DLGAP1: variants seen among roughly 807,000 people sequenced by gnomAD.
The protein encoded by DLGAP1 is disks large-associated protein 1.
In DLGAP1, 11 loss-of-function variants were observed where a neutral mutation model predicts 90.8. The observed-to-expected ratio is 0.12, with a 90% CI of 0.08 to 0.20. DLGAP1 has a LOEUF of 0.20. Among genes scored for constraint, DLGAP1 ranks in the 10% least tolerant of loss-of-function variants. DLGAP1 has a pLI of 1.00. For synonymous variants in DLGAP1, 558 were observed against 540.7 expected (o/e 1.03, Z -0.44); for missense variants, 1,050 against 1,333.8 (o/e 0.79, Z 3.31).
intron 1 of DLGAP1, among the ~76,000 whole-genome samples, chr18:4,155,016 AG>A (rs2076732846): frequency 6.6e-6 from 1 of 152,196 alleles, no homozygotes; most frequent in African/African-American, 2.4e-5. Flanking sequence ...AAACAGACCA[AG>A]GTAAGAGGTA....
intron 7 of DLGAP1, among the ~76,000 whole-genome samples, chr18:3,635,903 C>A (rs549872443): frequency 6.6e-6 from 1 of 151,606 alleles, no homozygotes; most frequent in Admixed American, 6.6e-5. Flanking sequence ...ATTCACTCTT[C>A]GAAATGCCTT....
At chr18:3,969,036 G>A (rs541309776) in intron 3 of DLGAP1, among the ~76,000 whole-genome samples, 1 of 152,104 alleles carries the variant, frequency 6.6e-6, no homozygotes, top group South Asian at 2.1e-4. Flanking sequence ...ACTAATGAAT[G>A]AACAGCACTG....
rs529202935 is a variant in DLGAP1 at position 3,852,047 on chromosome 18, G to A, written c.957+27065C>T. Among the ~76,000 whole-genome samples the A allele has an allele frequency of 8.5e-5, 13 of 152,204 alleles. No individual in the cohort carries two copies. The South Asian group carries it at 2.1e-3, about 24-fold the overall frequency. On this transcript the variant is annotated intron_variant, in intron 4 of 12. Coordinates refer to ENST00000315677, the MANE Select transcript of DLGAP1 (RefSeq NM_004746.4). The stretch of plus-strand genomic sequence containing the variant: ...GATTAGAGAGAAAAGGACATGTATC[G>A]AATATGGCAAAGGAGAGCCATCATA...
chr18:3,609,828 T>C (rs373550827), intron 7 of DLGAP1, among the ~76,000 whole-genome samples: 2 of 150,958 alleles, frequency 1.3e-5, no homozygotes, highest in Admixed American at 6.6e-5. Context: ...GAGGCCGAGG[T>C]GGGTGGATCA....
chr18:3,517,797 A>G lies in DLGAP1; in HGVS notation c.2480-9136T>C, dbSNP rs1156537071. 6.7e-6 allele frequency among the ~76,000 whole-genome samples: 1 copy of G among 148,378 alleles called. No individual in the cohort carries two copies. The highest frequency in any genetic ancestry group is 1.5e-5 in the Non-Finnish European group (1 of 67,368). On this transcript the variant is annotated intron_variant, in intron 10 of 12. Transcript: ENST00000315677. This position sits in a 1 kb window ranked among gnomAD's most constrained non-coding sequence, Gnocchi z 4.1. ...GTGCCATTGCACTCCAGCCTGGGCAACAAGAGAGAAACTCTGTCTCGGAAA... is the reference window on the plus strand; with the variant it reads ...GTGCCATTGCACTCCAGCCTGGGCAGCAAGAGAGAAACTCTGTCTCGGAAA...
In DLGAP1 at chr18:3,893,519, C is replaced by T. The variant is rs190121193; in HGVS notation, c.-72-13379G>A. ...GCTTGAACCTGGGAGGTGGAGGTTG[C>T]AGTGAGCCGAGATTGCACCACTGCA... On this transcript the variant is annotated intron_variant, in intron 3 of 12. Coordinates refer to ENST00000315677, the MANE Select transcript of DLGAP1 (RefSeq NM_004746.4). Among the ~76,000 whole-genome samples the T allele has an allele frequency of 3.1e-3, 476 of 151,636 alleles. 2 individuals are homozygous for T. Among genetic ancestry groups the T allele is most frequent in the Admixed American group, 6.1e-3 (93 of 15,222 alleles).
chr18:4,322,834 G>A (rs561686965), intron 1 of DLGAP1, among the ~76,000 whole-genome samples: 7 of 151,130 alleles, frequency 4.6e-5, no homozygotes, highest in East Asian at 2.0e-4. Context: ...TTTGGCGGGC[G>A]CCTGTAGTCC....
rs78915673 is a variant in DLGAP1, at chr18:4,436,461, T to A, written c.-267+18545A>T. ...ACATTTCTAACAAATTCCCAGGTGA[T>A]GCGATGTTGCTGGTCCAGAACCCAT... is the stretch of plus-strand genomic sequence containing the variant. On this transcript the variant is annotated intron_variant, in intron 1 of 12. Transcript: ENST00000315677. Among the ~76,000 whole-genome samples the A allele has an allele frequency of 4.8e-3, 737 of 152,134 alleles. 2 individuals carry two copies. The highest frequency in any genetic ancestry group is 6.9e-3 in the Non-Finnish European group (468 of 68,014).
chr18:3,856,034 C>T (rs2069623252), intron 4 of DLGAP1, among the ~76,000 whole-genome samples: 1 of 152,280 alleles, frequency 6.6e-6, no homozygotes, highest in Admixed American at 6.5e-5. Flanking sequence ...GGGTGGGAAT[C>T]CAGGCCACTT....
At chr18:4,392,725 TCTTA>T (rs72425749) in intron 1 of DLGAP1, among the ~76,000 whole-genome samples, 8,014 of 152,236 alleles carry the variant, frequency 0.053, 228 homozygotes, top group African/African-American at 0.064. Flanking sequence ...CTAGGCCAAG[TCTTA>T]CTTCTGAGAT....
chr18:4,269,606 G>A lies in DLGAP1; in HGVS notation c.-266-118319C>T, dbSNP rs577569078. On this transcript the variant is annotated intron_variant, in intron 1 of 12. Coordinates refer to ENST00000315677, the MANE Select transcript of DLGAP1 (RefSeq NM_004746.4). The stretch of plus-strand genomic sequence containing the variant: ...CCTGACCTTGTGATCCACCCGCCTT[G>A]GCCTCCCAAAGTGCTGGCATTACAG... 9.3e-4 allele frequency among the ~76,000 whole-genome samples: 142 copies of A among 151,922 alleles called. 1 individual carries two copies. The Middle Eastern group carries it at 0.01, about 11-fold the overall frequency.
chr18:3,654,942 T>C (rs2059429464), intron 7 of DLGAP1: 3 of 152,198 alleles, frequency 2.0e-5, no homozygotes, highest in African/African-American at 4.8e-5. Flanking sequence ...TTTTGTAAAA[T>C]GTAATGGTAC....
chr18:4,264,512 A>G (rs1242374597), intron 1 of DLGAP1: 1 of 152,082 alleles, frequency 6.6e-6, no homozygotes, highest in Admixed American at 6.6e-5. Flanking sequence ...CTGACCTTCA[A>G]CTCTACACTC....
At chr18:3,905,572 T>C (rs1352402821) in intron 3 of DLGAP1, among the ~76,000 whole-genome samples, 1 of 152,100 alleles carries the variant, frequency 6.6e-6, no homozygotes, top group East Asian at 1.9e-4. Flanking sequence ...TCCCTCTTTC[T>C]TCCTTAGTTC....
chr18:4,453,536 G>C (rs1396684941), intron 1 of DLGAP1, among the ~76,000 whole-genome samples: 2 of 152,018 alleles, frequency 1.3e-5, no homozygotes, highest in Admixed American at 6.5e-5. Flanking sequence ...AACAGTCAAA[G>C]GGCTGTTCTT....
chr18:3,638,737 C>G (rs573973877), intron 7 of DLGAP1, among the ~76,000 whole-genome samples: 1 of 152,258 alleles, frequency 6.6e-6, no homozygotes, highest in East Asian at 1.9e-4. Context: ...ATTCTTGAGG[C>G]ATTATGTGCT....
intron 7 of DLGAP1, among the ~76,000 whole-genome samples, chr18:3,605,789 CTT>C (rs2057298508): frequency 6.6e-6 from 1 of 150,966 alleles, no homozygotes; most frequent in South Asian, 2.1e-4. Context: ...GGTTAAGTGA[CTT>C]TTCCAAGGTC....
At chr18:4,399,801 G>A (rs984423174) in intron 1 of DLGAP1, among the ~76,000 whole-genome samples, 2 of 152,076 alleles carry the variant, frequency 1.3e-5, no homozygotes, top group African/African-American at 2.4e-5. Context: ...ACTTCATAGG[G>A]GGCTAAAGAA....
chr18:3,981,308 G>T (rs749986629), intron 3 of DLGAP1, among the ~76,000 whole-genome samples: 12 of 152,256 alleles, frequency 7.9e-5, no homozygotes, highest in Non-Finnish European at 1.3e-4. Context: ...AGCACAGGGA[G>T]AAGTGACTAA....
Sources: allele counts gnomAD v4.1 joint callset (sites outside exome capture counted in the v4.1 genomes callset), GRCh38; gene constraint gnomAD v4.1.1; non-coding constraint Gnocchi (gnomAD v3.1); transcripts MANE v1.5; gene names NCBI Gene and HGNC (gene_info 2026-07-23, HGNC 2026-07-21).